The following ATXN10 variants were observed in gnomAD, a reference collection of about 807,000 sequenced individuals.
ATXN10 encodes ataxin-10.
A neutral mutation model predicts 52.9 loss-of-function variants in ATXN10; 28 were observed. The observed-to-expected ratio is 0.53, with a 90% CI of 0.39 to 0.73. The LOEUF (loss-of-function observed/expected upper bound fraction) is 0.73, where lower values mean the gene tolerates loss of function less well. Among genes scored for constraint, ATXN10 ranks in the 30% least tolerant of loss-of-function variants. The pLI is 0.00. For synonymous variants in ATXN10, 226 were observed against 221.5 expected, an observed-to-expected ratio of 1.02 and a Z score of -0.18; for missense variants, 565 against 577.0, an observed-to-expected ratio of 0.98 and a Z score of 0.21.
At chr22:45,778,345 G>A (rs1207495867) in intron 9 of ATXN10, among the ~76,000 whole-genome samples, 1 of 152,146 alleles carries the variant, frequency 6.6e-6, no homozygotes, top group African/African-American at 2.4e-5. Context: ...AGCAGTGAAC[G>A]AATACTGGCC....
chr22:45,700,228 A>G, intron 3 of ATXN10, 54 bp from the exon 4 acceptor site: 1 of 1,212,186 alleles, frequency 8.2e-7, no homozygotes, highest in Non-Finnish European at 1.2e-6. Context: ...AGATGCATTT[A>G]TTTATTGTGT....
Position 45,806,959 on chromosome 22 carries a change from G to C in ATXN10, c.1174G>C (p.Val392Leu). ...ATAAACTTATCTTCTTTCTCTCTAG[G>C]TAAATGAGCTGGATGGTATCCCGTT... ...CYKNKDNQDKVNELDGIPLIL... is the reference protein window; with the variant it reads ...CYKNKDNQDKLNELDGIPLIL... Residue 392 changes from valine to leucine, a missense_variant and splice_region_variant, in exon 10 of 12, where the codon GTA (valine) becomes CTA (leucine). Transcript: ENST00000252934. 1.2e-6 allele frequency: 2 copies of C among 1,612,720 alleles called. No homozygotes were observed. The highest frequency in any genetic ancestry group is 1.7e-6 in the Non-Finnish European group (2 of 1,178,782).
rs115402331 is a variant in ATXN10 at position 45,688,165 on chromosome 22, G to A, written c.117-1547G>A. 4.6e-3 allele frequency among the ~76,000 whole-genome samples: 707 copies of A among 152,298 alleles called. 6 individuals carry two copies. Among genetic ancestry groups the A allele is most frequent in the African/African-American group, 0.015 (628 of 41,564 alleles). On this transcript the variant is annotated intron_variant, in intron 1 of 11. Transcript: ENST00000252934. The surrounding 1 kb of genome is among the most constrained non-coding windows in gnomAD (Gnocchi z 4.0). ...TACAGTTTATTGAGGCAAGATTAGT[G>A]CTGTACCCTTGAATTTTCATTTCTT...
intron 7 of ATXN10, 188 bp downstream of exon 7, chr22:45,729,778 G>C (rs1391666928): frequency 1.4e-6 from 1 of 707,724 alleles, no homozygotes; most frequent in East Asian, 3.0e-5. Flanking sequence ...ACCATCCAGA[G>C]TCAATGACTT....
At chr22:45,791,382 T>C (rs947804983) in intron 9 of ATXN10, among the ~76,000 whole-genome samples, 40 of 152,194 alleles carry the variant, frequency 2.6e-4, no homozygotes, top group African/African-American at 9.4e-4. Flanking sequence ...GTGTTTTTTT[T>C]CTGGTCTTAG....
At position 45,733,460 on chromosome 22, in the gene ATXN10, C is replaced by T. The variant is rs1018830879; in HGVS notation, c.894+3870C>T. ...ATAAAGTTACAAAGTTTCAGCCAGG[C>T]GTGGTGGCTCATACCTGTAATCCCA... On this transcript the variant is annotated intron_variant, in intron 7 of 11. Coordinates refer to ENST00000252934, the MANE Select transcript of ATXN10 (RefSeq NM_013236.4). The surrounding 1 kb of genome is among the most constrained non-coding windows in gnomAD (Gnocchi z 4.4). Among the ~76,000 whole-genome samples, 4 of 152,052 alleles carry T rather than the reference C, an allele frequency of 2.6e-5. No individual in the cohort carries two copies. Among genetic ancestry groups the T allele is most frequent in the South Asian group, 2.1e-4 (1 of 4,814 alleles).
chr22:45,702,475 G>A (rs1419125119), intron 4 of ATXN10, among the ~76,000 whole-genome samples: 2 of 151,952 alleles, frequency 1.3e-5, no homozygotes, highest in East Asian at 3.9e-4. Flanking sequence ...TGAGTTCTAT[G>A]TCAACTTCAA....
rs938151401 is a variant in ATXN10 at position 45,826,057 on chromosome 22, G to A, written c.1238-16934G>A. On this transcript the variant is annotated intron_variant, in intron 10 of 11. Transcript: ENST00000252934. The surrounding 1 kb of genome is among the most constrained non-coding windows in gnomAD (Gnocchi z 5.0). ...AGCCTGGGGAACAGAGCCAGGCCCTGTCTCTAAATCAAAACAAAACAAAAA... is the reference window on the plus strand; with the variant it reads ...AGCCTGGGGAACAGAGCCAGGCCCTATCTCTAAATCAAAACAAAACAAAAA... Among the ~76,000 whole-genome samples the A allele has an allele frequency of 6.6e-6, 1 of 152,048 alleles. No individual in the cohort carries two copies. The highest frequency in any genetic ancestry group is 1.5e-5 in the Non-Finnish European group (1 of 68,024).
chr22:45,803,709 A>G (rs763946816), intron 9 of ATXN10, among the ~76,000 whole-genome samples: 1 of 152,026 alleles, frequency 6.6e-6, no homozygotes, highest in Admixed American at 6.5e-5. Flanking sequence ...CCATTTGCAG[A>G]CTTTACTGTA....
chr22:45,804,190 G>C (rs545365377), intron 9 of ATXN10, among the ~76,000 whole-genome samples: 1 of 152,302 alleles, frequency 6.6e-6, no homozygotes, highest in East Asian at 1.9e-4. Context: ...GTGGTCTCCA[G>C]ACCTCACCTT....
rs1283414850 is a variant in ATXN10 at position 45,678,126 on chromosome 22, G to A, written c.116+5947G>A. The A allele has an allele frequency of 2.6e-5, 4 of 151,946 alleles. No individual in the cohort carries two copies. The highest frequency in any genetic ancestry group is 2.1e-4 in the South Asian group (1 of 4,828). The allele number at this position is 151,946 out of a possible 1,614,324, so 9.4% of individuals were successfully genotyped here. A position where few individuals can be genotyped will look rare whatever the true frequency, so the allele number is the denominator to read the frequency against. On this transcript the variant is annotated intron_variant, in intron 1 of 11. Transcript: ENST00000252934. This position sits in a 1 kb window ranked among gnomAD's most constrained non-coding sequence, Gnocchi z 4.1. ...ATGTTTACAGAGTTTCTATTTGGGT[G>A]TTAAAAAAAATTTTGGAAGTAGAGG...
At chr22:45,703,159 G>C (rs1923905950) in intron 5 of ATXN10, among the ~76,000 whole-genome samples, 1 of 152,174 alleles carries the variant, frequency 6.6e-6, no homozygotes, top group African/African-American at 2.4e-5. Flanking sequence ...GCACAGATAA[G>C]ACTGTTGTGG....
rs1390411764 is a variant in ATXN10 at position 45,759,832 on chromosome 22, C to T, written c.1173+19294C>T. Among the ~76,000 whole-genome samples the T allele has an allele frequency of 6.6e-6, 1 of 152,172 alleles. No homozygotes were observed. ...CTTCTCTCTCTTTCTAATTTACATA[C>T]AGCTAAACACAGATTTTTAATGAAT... On this transcript the variant is annotated intron_variant, in intron 9 of 11. Coordinates refer to ENST00000252934, the MANE Select transcript of ATXN10 (RefSeq NM_013236.4). This position sits in a 1 kb window ranked among gnomAD's most constrained non-coding sequence, Gnocchi z 5.4.
chr22:45,700,360 C>T lies in ATXN10; in HGVS notation c.470C>T (p.Ala157Val), dbSNP rs1169006413. The part of the protein sequence containing the change: ...EDSQSIVWVH[A>V]FPELFLSCLN... ...TCCCAGTCTATTGTTTGGGTGCATG[C>T]TTTCCCAGAACTGTTTTTGTGAGTA... Residue 157 changes from alanine (A) to valine (V), a missense_variant, in exon 4 of 12, where the codon GCT (alanine) becomes GTT (valine). By Grantham distance (64) the Ala-to-Val change is moderately conservative. Transcript: ENST00000252934. 1.7e-5 allele frequency: 27 copies of T among 1,613,672 alleles called. No homozygotes were observed. Among genetic ancestry groups the T allele is most frequent in the Non-Finnish European group, 2.2e-5 (26 of 1,179,604 alleles).
rs912981057 is a variant in ATXN10, at chr22:45,793,866, C to A, written c.1174-13093C>A. On this transcript the variant is annotated intron_variant, in intron 9 of 11. Coordinates refer to ENST00000252934, the MANE Select transcript of ATXN10 (RefSeq NM_013236.4). ...AGGGTGAGCTGGTGGTGGTAAACAG[C>A]AACTTTGATTGAAGCAGCAGTGTAT... is the stretch of plus-strand genomic sequence containing the variant. The A allele has an allele frequency of 4.7e-6, 6 of 1,280,484 alleles. No homozygotes were observed. The African/African-American group carries it at 7.7e-5, about 16-fold the overall frequency. The allele number at this position is 1,280,484 out of a possible 1,614,324, so 79.3% of individuals were successfully genotyped here.
In ATXN10 at chr22:45,843,926, T is replaced by G. The variant is rs1458706746; in HGVS notation, c.*255T>G. The G allele has an allele frequency of 7.5e-6, 4 of 534,244 alleles. No homozygotes were observed. The highest frequency in any genetic ancestry group is 1.0e-5 in the Non-Finnish European group (3 of 299,368). The allele number at this position is 534,244 out of a possible 1,614,324, so 33.1% of individuals were successfully genotyped here. ...TAGAACGTGCATTTAAAGAATATAT[T>G]GTACTTACTGTGACAGCAGATAATA... On this transcript the variant is annotated 3_prime_UTR_variant, in exon 12 of 12. Transcript: ENST00000252934. The surrounding 1 kb of genome is among the most constrained non-coding windows in gnomAD (Gnocchi z 4.5).
At chr22:45,700,217 A>G (rs1923786829) in intron 3 of ATXN10, 65 bp from the exon 4 acceptor site, 2 of 1,122,212 alleles carry the variant, frequency 1.8e-6, no homozygotes, top group Non-Finnish European at 2.6e-6. Flanking sequence ...AATATTTCTT[A>G]AGATGCATTT....
At chr22:45,811,753 T>G (rs1263594572) in intron 10 of ATXN10, 1 of 471,070 alleles carries the variant, frequency 2.1e-6, no homozygotes, top group African/African-American at 2.0e-5. Flanking sequence ...CGGCAGTGAC[T>G]TCCTAACTCA....
In ATXN10 at chr22:45,770,428, G is replaced by A. The variant is rs1330498210; in HGVS notation, c.1173+29890G>A. ...ATGTGATGAATATACACACTAATGGGACACACACGTGTGTTTCTGTGTCTG... is the reference window on the plus strand; with the variant it reads ...ATGTGATGAATATACACACTAATGGAACACACACGTGTGTTTCTGTGTCTG... On this transcript the variant is annotated intron_variant, in intron 9 of 11. Coordinates refer to ENST00000252934, the MANE Select transcript of ATXN10 (RefSeq NM_013236.4). The surrounding 1 kb of genome is among the most constrained non-coding windows in gnomAD (Gnocchi z 4.5). 2.0e-5 allele frequency among the ~76,000 whole-genome samples: 3 copies of A among 152,338 alleles called. No individual in the cohort carries two copies. Among genetic ancestry groups the A allele is most frequent in the African/African-American group, 7.2e-5 (3 of 41,564 alleles).
Sources: gnomAD v4.1 joint callset for allele counts (sites outside exome capture counted in the v4.1 genomes callset) on GRCh38, gnomAD v4.1.1 for gene constraint, Gnocchi (gnomAD v3.1) non-coding constraint, MANE v1.5 for transcripts, NCBI Gene and HGNC (gene_info 2026-07-23, HGNC 2026-07-21) for gene names.